MEI4: variants seen among roughly 807,000 people sequenced by gnomAD.
The protein encoded by MEI4 is meiotic double-stranded break formation protein 4.
A neutral mutation model predicts 31.4 loss-of-function variants in MEI4; 27 were observed. That is an observed-to-expected ratio of 0.86 (90% CI 0.63 to 1.19). The LOEUF is 1.19. Ranked by LOEUF, MEI4 falls within the 50% of genes most tolerant of loss-of-function variation. The pLI is 0.00. For synonymous variants in MEI4, 122 were observed against 145.4 expected (o/e 0.84, Z 1.16); for missense variants, 329 against 398.9 (o/e 0.82, Z 1.49).
intron 4 of MEI4, among the ~76,000 whole-genome samples, chr6:77,867,719 A>G (rs1476071925): frequency 3.3e-5 from 5 of 151,564 alleles, no homozygotes; most frequent in African/African-American, 1.2e-4. Flanking sequence ...ATTACTGGGT[A>G]TATACCCAAA....
chr6:77,789,358 G>T (rs1342508057), intron 3 of MEI4, among the ~76,000 whole-genome samples: 4 of 152,196 alleles, frequency 2.6e-5, no homozygotes, highest in African/African-American at 9.6e-5. Context: ...AGGACTTCAT[G>T]TCTATAACAC....
At chr6:77,886,599 T>G (rs1007406680) in intron 4 of MEI4, among the ~76,000 whole-genome samples, 5 of 151,908 alleles carry the variant, frequency 3.3e-5, no homozygotes, top group African/African-American at 1.2e-4. Context: ...GCTGGCTAAT[T>G]GTTTTGTATT....
intron 2 of MEI4, among the ~76,000 whole-genome samples, chr6:77,735,507 G>A (rs939836189): frequency 6.6e-6 from 1 of 151,890 alleles, no homozygotes; most frequent in South Asian, 2.1e-4. Flanking sequence ...GCACTTCTCT[G>A]TATTGGTTAT....
intron 3 of MEI4, 61 bp from the exon 4 acceptor site, chr6:77,828,870 T>C (rs1770015891): frequency 8.3e-7 from 1 of 1,200,742 alleles, no homozygotes; most frequent in Non-Finnish European, 1.0e-6. Flanking sequence ...AGTAAGGTCT[T>C]AGAAAATACA....
At chr6:77,776,765 A>C (rs1168986691) in intron 3 of MEI4, among the ~76,000 whole-genome samples, 1 of 152,124 alleles carries the variant, frequency 6.6e-6, no homozygotes, top group Non-Finnish European at 1.5e-5. Flanking sequence ...GGTAGTTGGA[A>C]TTGGGTTTTC....
intron 4 of MEI4, among the ~76,000 whole-genome samples, chr6:77,886,381 G>T (rs549107223): frequency 1.3e-5 from 2 of 151,814 alleles, no homozygotes; most frequent in East Asian, 3.9e-4. Context: ...AGTCAATCTT[G>T]GTAGGTTGTA....
chr6:77,863,698 G>A (rs987295739), intron 4 of MEI4, among the ~76,000 whole-genome samples: 2 of 152,148 alleles, frequency 1.3e-5, no homozygotes, highest in Non-Finnish European at 2.9e-5. Flanking sequence ...TAGCAAGGCA[G>A]GCCAACATTC....
intron 3 of MEI4, among the ~76,000 whole-genome samples, chr6:77,810,964 G>A (rs1329917107): frequency 6.6e-6 from 1 of 152,034 alleles, no homozygotes; most frequent in African/African-American, 2.4e-5. Context: ...CCTTAAATCA[G>A]AACTGCTTAT....
chr6:77,731,358 T>C, intron 2 of MEI4, among the ~76,000 whole-genome samples: 1 of 151,220 alleles, frequency 6.6e-6, no homozygotes, highest in African/African-American at 2.4e-5. Flanking sequence ...TGGTTTTGAT[T>C]TGCATTTCTC....
At chr6:77,661,447 G>A (rs904181790) in intron 1 of MEI4, among the ~76,000 whole-genome samples, 3 of 152,164 alleles carry the variant, frequency 2.0e-5, no homozygotes, top group Non-Finnish European at 4.4e-5. Flanking sequence ...CAGTGAAAGT[G>A]TCTACCCAGA....
chr6:77,712,193 A>G (rs1766480408), intron 2 of MEI4, among the ~76,000 whole-genome samples: 1 of 152,216 alleles, frequency 6.6e-6, no homozygotes. Flanking sequence ...ATATACACAC[A>G]CATACACATA....
Position 77,925,905 on chromosome 6 carries a change from A to G in MEI4, c.*2559A>G, listed in dbSNP as rs1766833015. ...ATACCAAATAGCCAGGTACTTACCT[A>G]AGCATTTTACATATATTAAACTGTT... On this transcript the variant is annotated 3_prime_UTR_variant, in exon 5 of 5. Coordinates refer to ENST00000684080, the MANE Select transcript of MEI4 (RefSeq NM_001322247.2). The G allele has an allele frequency of 6.6e-6, 1 of 150,988 alleles. No individual in the cohort carries two copies. Among genetic ancestry groups the G allele is most frequent in the African/African-American group, 2.4e-5 (1 of 41,090 alleles). 9.4% of individuals were successfully genotyped at this position (150,988 alleles called of 1,614,324 possible).
In MEI4 at chr6:77,853,058, C is replaced by T. The variant is rs192973874; in HGVS notation, c.900+23996C>T. On this transcript the variant is annotated intron_variant, in intron 4 of 4. Coordinates refer to ENST00000684080, the MANE Select transcript of MEI4 (RefSeq NM_001322247.2). ...TACTAAAAATACAAAACTAGCCAGA[C>T]GTGGTGGCACATGCCTGTAATCCCA... Among the ~76,000 whole-genome samples the T allele has an allele frequency of 6.9e-3, 1,045 of 152,122 alleles. 13 individuals carry two copies. The highest frequency in any genetic ancestry group is 0.024 in the African/African-American group (985 of 41,504).
At chr6:77,655,509 T>G (rs1768378303) in intron 1 of MEI4, among the ~76,000 whole-genome samples, 2 of 152,202 alleles carry the variant, frequency 1.3e-5, no homozygotes, top group African/African-American at 4.8e-5. Context: ...CCTCTGCTGT[T>G]TAAAATATGA....
At chr6:77,666,757 T>C (rs929699108) in intron 1 of MEI4, among the ~76,000 whole-genome samples, 3 of 151,814 alleles carry the variant, frequency 2.0e-5, no homozygotes, top group South Asian at 2.1e-4. Context: ...TTGATTGATA[T>C]GCAGTATTAC....
At chr6:77,684,912 T>C (rs1280643696) in intron 1 of MEI4, among the ~76,000 whole-genome samples, 1 of 152,182 alleles carries the variant, frequency 6.6e-6, no homozygotes, top group Non-Finnish European at 1.5e-5. Context: ...TTTAGTTTTT[T>C]TGAGGACCCT....
intron 4 of MEI4, among the ~76,000 whole-genome samples, chr6:77,832,568 ATTAATT>A (rs1348899150): frequency 6.6e-6 from 1 of 152,038 alleles, no homozygotes; most frequent in African/African-American, 2.4e-5. Flanking sequence ...ATAAATAGCG[ATTAATT>A]TTAATTTTAT....
intron 4 of MEI4, among the ~76,000 whole-genome samples, chr6:77,887,827 A>G (rs1458088347): frequency 6.6e-6 from 1 of 151,924 alleles, no homozygotes; most frequent in Non-Finnish European, 1.5e-5. Flanking sequence ...TTCTTAGTTG[A>G]TTGTCTCTCT....
At chr6:77,921,598 G>A (rs1056545514) in intron 4 of MEI4, among the ~76,000 whole-genome samples, 1 of 151,804 alleles carries the variant, frequency 6.6e-6, no homozygotes, top group Non-Finnish European at 1.5e-5. Flanking sequence ...GCCTGTCTCA[G>A]ATTTTGACAT....
Sources: gnomAD v4.1 joint callset for allele counts (sites outside exome capture counted in the v4.1 genomes callset) on GRCh38, gnomAD v4.1.1 for gene constraint, MANE v1.5 for transcripts, NCBI Gene and HGNC (gene_info 2026-07-23, HGNC 2026-07-21) for gene names.